Variants in CLEC4F observed in about 807,000 individuals in gnomAD.
CLEC4F encodes C-type (calcium dependent, carbohydrate-recognition domain) lectin, superfamily member 13.
Under a neutral mutation model 53.4 loss-of-function variants are expected in CLEC4F, and 45 were observed. That is an observed-to-expected ratio of 0.84 (90% CI 0.66 to 1.08). CLEC4F has a LOEUF of 1.08. Among genes scored for constraint, CLEC4F ranks in the 50% least tolerant of loss-of-function variants. The pLI is 0.00. For missense variants in CLEC4F, 753 were observed against 698.2 expected, an observed-to-expected ratio of 1.08 and a Z score of -0.88; for synonymous variants, 245 against 257.5, an observed-to-expected ratio of 0.95 and a Z score of 0.46.
At chr2:70,809,600 C>T (rs915092985) in intron 6 of CLEC4F, 139 bp downstream of exon 6, 15 of 787,740 alleles carry the variant, frequency 1.9e-5, no homozygotes, top group African/African-American at 8.8e-5. Flanking sequence ...ACACACCACA[C>T]ATACACCACA....
rs1553397461 is a variant in CLEC4F at position 70,819,798 on chromosome 2, G to C, written c.155C>G (p.Ser52Cys). ...PAFMAVTLVFSLVTLFVVVQQ... is the reference protein window; with the variant it reads ...PAFMAVTLVFCLVTLFVVVQQ... ...ACCCACTACAAAGAGAGTCACAAGA[G>C]AGAAGACCAAGGTCACAGCCATAAA... is the stretch of plus-strand genomic sequence containing the variant. The change falls in exon 2 of 7, where the codon TCT (serine) becomes TGT (cysteine). Residue 52 changes from serine (S) to cysteine (C), a missense_variant. By Grantham distance (112) the Ser-to-Cys change is moderately radical. Transcript: ENST00000272367. 1 of 1,604,052 alleles carries C rather than the reference G, an allele frequency of 6.2e-7. No homozygotes were observed. The highest frequency in any genetic ancestry group is 1.3e-5 in the African/African-American group (1 of 74,478).
At chr2:70,819,098 A>T (rs1355236875) in intron 3 of CLEC4F, among the ~76,000 whole-genome samples, 1 of 152,182 alleles carries the variant, frequency 6.6e-6, no homozygotes, top group Non-Finnish European at 1.5e-5. Context: ...TGGGGTGAGG[A>T]GGATGACTAT....
intron 3 of CLEC4F, among the ~76,000 whole-genome samples, chr2:70,818,768 C>T (rs188552676): frequency 3.3e-5 from 5 of 151,340 alleles, no homozygotes; most frequent in African/African-American, 7.3e-5. Flanking sequence ...CAAAGGAGAA[C>T]ATCTTTGTAG....
At chr2:70,814,444 T>A (rs1676783467) in intron 4 of CLEC4F, among the ~76,000 whole-genome samples, 1 of 152,080 alleles carries the variant, frequency 6.6e-6, no homozygotes, top group East Asian at 1.9e-4. Context: ...CCTGACAACG[T>A]GGTAGAAATG....
At chr2:70,824,621 C>CAAAGAAAAAAAAAAA (rs1388918958), upstream of CLEC4F, among the ~76,000 whole-genome samples, 1 of 38,252 alleles carries the variant, frequency 2.6e-5, no homozygotes, top group Non-Finnish European at 4.8e-5. Context: ...TGCTTAGTTA[C>CAAAGAAAAAAAAAAA]CAAAAAAAAA....
Position 70,816,035 on chromosome 2 carries a change from T to G in CLEC4F, c.1346A>C (p.His449Pro). 1 of 1,614,194 alleles carries G rather than the reference T, an allele frequency of 6.2e-7. No homozygotes were observed. The highest frequency in any genetic ancestry group is 1.1e-5 in the South Asian group (1 of 91,080). ...QQEQSRLKTL[H>P]VVITSQEQLQ... ...CTGTTCCTGTGAAGTAATGACCACA[T>G]GGAGGGTCTTCAGGCGACTCTGCTC... Residue 449 changes from histidine to proline, a missense_variant, in exon 4 of 7, where the codon CAT becomes CCT. Coordinates refer to ENST00000272367, the MANE Select transcript of CLEC4F (RefSeq NM_173535.3).
At chr2:70,815,819 G>A (rs1377916295) in intron 4 of CLEC4F, among the ~76,000 whole-genome samples, 175 bp downstream of exon 4, 1 of 152,176 alleles carries the variant, frequency 6.6e-6, no homozygotes, top group Non-Finnish European at 1.5e-5. Flanking sequence ...CAACTTGAGA[G>A]CAGGAACTTC....
upstream of CLEC4F, among the ~76,000 whole-genome samples, chr2:70,821,555 G>A (rs1553398030): frequency 6.6e-6 from 1 of 152,194 alleles, no homozygotes; most frequent in African/African-American, 2.4e-5. Flanking sequence ...TGACTCCACA[G>A]AGACAGAGTC....
In CLEC4F at chr2:70,816,460, T is replaced by C. The variant is rs782747784; in HGVS notation, c.921A>G (p.Lys307=). Residue 307 remains lysine (K), a synonymous_variant, in exon 4 of 7, where the codon AAA becomes AAG. Transcript: ENST00000272367. The part of the protein sequence containing the change: ...ALNSQTQAFI[K]SSFDNTSAEI... The stretch of plus-strand genomic sequence containing the variant: ...CAGCACTAGTGTTGTCAAAACTGCT[T>C]TTTATAAAGGCCTGGGTCTGGGAGT... 183 of 1,614,012 alleles carry C rather than the reference T, an allele frequency of 1.1e-4. 2 individuals carry two copies. The highest frequency in any genetic ancestry group is 5.9e-6 in the Non-Finnish European group (7 of 1,180,038).
intron 1 of CLEC4F, 138 bp from the exon 2 acceptor site, chr2:70,820,029 A>G: frequency 1.7e-6 from 1 of 580,660 alleles, no homozygotes; most frequent in Non-Finnish European, 3.0e-6. Context: ...CATGCTTATC[A>G]TGCAGGTGGT....
Position 70,819,371 on chromosome 2 carries a change from T to TA in CLEC4F, c.251dup (p.Leu84PhefsTer4), listed in dbSNP as rs1677097719. The TA allele has an allele frequency of 3.7e-6, 6 of 1,613,886 alleles. No homozygotes were observed. The highest frequency in any genetic ancestry group is 2.7e-5 in the African/African-American group (2 of 74,872). ...GCTACTCACTGTTGGGTTCAAAAGG[T>TA]AAATGCCCAGTAATGTTGTCTCCCA... is the stretch of plus-strand genomic sequence containing the variant. On this transcript the variant is annotated frameshift_variant, in exon 3 of 7. Coordinates refer to ENST00000272367, the MANE Select transcript of CLEC4F (RefSeq NM_173535.3). LOFTEE classifies it high-confidence loss of function.
Position 70,819,804 on chromosome 2 carries a change from A to G in CLEC4F, c.149T>C (p.Val50Ala). 6.2e-7 allele frequency: 1 copy of G among 1,605,210 alleles called. No homozygotes were observed. Among genetic ancestry groups the G allele is most frequent in the Non-Finnish European group, 8.5e-7 (1 of 1,176,198 alleles). ...TACAAAGAGAGTCACAAGAGAGAAG[A>G]CCAAGGTCACAGCCATAAATGCCGG... ...ATPAFMAVTL[V>A]FSLVTLFVVV... is the part of the protein sequence containing the mutation. The change falls in exon 2 of 7, where the codon GTC becomes GCC. Residue 50 changes from valine (V) to alanine (A), a missense_variant. By Grantham distance (64) the Val-to-Ala change is moderately conservative. Transcript: ENST00000272367.
upstream of CLEC4F, among the ~76,000 whole-genome samples, chr2:70,822,892 C>T (rs1207341242): frequency 2.0e-5 from 3 of 152,204 alleles, no homozygotes; most frequent in African/African-American, 7.2e-5. Flanking sequence ...TCTTATAGGT[C>T]CCCAGCTGCC....
In CLEC4F at chr2:70,816,644, CT is replaced by C. The variant is rs1558616824; in HGVS notation, c.736del (p.Ser246ValfsTer2). 6.2e-7 allele frequency: 1 copy of C among 1,614,170 alleles called. No homozygotes were observed. On this transcript the variant is annotated frameshift_variant, in exon 4 of 7. Coordinates refer to ENST00000272367, the MANE Select transcript of CLEC4F (RefSeq NM_173535.3). LOFTEE classifies it high-confidence loss of function. ...GATCTCAGCATTAGCGTTCTTTAAA[CT>C]GCTATTGGCTAACTGAGCCTGGGTA... ...ANTQAQLANS[S>X]LKNANAEIYV...
intron 5 of CLEC4F, among the ~76,000 whole-genome samples, chr2:70,810,287 A>T (rs573387460): frequency 6.6e-6 from 1 of 152,310 alleles, no homozygotes; most frequent in East Asian, 1.9e-4. Flanking sequence ...TGAGTGCCAC[A>T]CTGATGAATA....
At chr2:70,818,526 A>C in intron 3 of CLEC4F, among the ~76,000 whole-genome samples, 1 of 152,116 alleles carries the variant, frequency 6.6e-6, no homozygotes, top group East Asian at 1.9e-4. Flanking sequence ...CCTGGCTAAC[A>C]CGGTGAAACT....
chr2:70,813,547 CTT>C (rs1676690153), intron 4 of CLEC4F, among the ~76,000 whole-genome samples: 13 of 146,960 alleles, frequency 8.8e-5, no homozygotes, highest in African/African-American at 3.3e-4. Flanking sequence ...TTTTTTCTTT[CTT>C]TCTTTTTTTC....
At chr2:70,819,990 G>A (rs1677148926) in intron 1 of CLEC4F, 99 bp from the exon 2 acceptor site, 1 of 784,954 alleles carries the variant, frequency 1.3e-6, no homozygotes, top group African/African-American at 1.8e-5. Context: ...CTGTTTCCTG[G>A]GTTGTCTAAT....
upstream of CLEC4F, among the ~76,000 whole-genome samples, chr2:70,824,373 A>G (rs1480036967): frequency 6.6e-6 from 1 of 152,060 alleles, no homozygotes; most frequent in Non-Finnish European, 1.5e-5. Context: ...TGGTGCAAGC[A>G]TAATGATCTT....
Sources: allele counts gnomAD v4.1 joint callset (sites outside exome capture counted in the v4.1 genomes callset), GRCh38; gene constraint gnomAD v4.1.1; transcripts MANE v1.5; gene names NCBI Gene and HGNC (gene_info 2026-07-23, HGNC 2026-07-21).